GHR: variants seen among roughly 807,000 people sequenced by gnomAD.
The protein encoded by GHR is growth hormone receptor, also known as GH receptor.
GHR carries 35 observed loss-of-function variants against 67.1 expected under a neutral mutation model. That is an observed-to-expected ratio of 0.52 (90% CI 0.40 to 0.69). GHR has a LOEUF of 0.69. GHR is among the 30% of genes least tolerant of loss of function. GHR has a pLI of 0.00. For missense variants in GHR, 792 were observed against 764.6 expected (o/e 1.04, Z -0.42); for synonymous variants, 272 against 269.1 (o/e 1.01, Z -0.10).
chr5:42,670,880 A>AAAAT (rs1554034852), intron 3 of GHR, among the ~76,000 whole-genome samples: 40 of 118,176 alleles, frequency 3.4e-4, no homozygotes, highest in South Asian at 8.7e-4. Context: ...AAAAAAAAAA[A>AAAAT]ATATATATAT....
At chr5:42,496,250 C>T (rs561203511) in intron 1 of GHR, among the ~76,000 whole-genome samples, 8 of 152,238 alleles carry the variant, frequency 5.3e-5, no homozygotes, top group African/African-American at 1.9e-4. Context: ...ATTGGTTCCT[C>T]CTGATTGGGT....
chr5:42,648,778 A>C (rs1414683260), intron 3 of GHR, among the ~76,000 whole-genome samples: 1 of 152,018 alleles, frequency 6.6e-6, no homozygotes, highest in Non-Finnish European at 1.5e-5. Context: ...AATTGGAAAT[A>C]GGGAGGTTTC....
chr5:42,497,627 T>G lies in GHR; in HGVS notation c.-11-68237T>G, dbSNP rs369306151. Among the ~76,000 whole-genome samples the G allele has an allele frequency of 4.6e-5, 7 of 152,312 alleles. No homozygotes were observed. In the East Asian group the frequency reaches 1.2e-3, roughly 25 times the overall value. On this transcript the variant is annotated intron_variant, in intron 1 of 9. Coordinates refer to ENST00000230882, the MANE Select transcript of GHR (RefSeq NM_000163.5). ...CACTACAAGGGCATTGTTTAGTAGT[T>G]GAAACACAGACCTTATGTACCTTCA...
chr5:42,648,053 AG>A (rs1443749699), intron 3 of GHR, among the ~76,000 whole-genome samples: 4 of 152,186 alleles, frequency 2.6e-5, no homozygotes, highest in Non-Finnish European at 4.4e-5. Context: ...AGAGATTTTC[AG>A]CAACAAGAAA....
rs1292304928 is a variant in GHR, at chr5:42,719,854, CT to C, written c.*436del. On this transcript the variant is annotated 3_prime_UTR_variant, in exon 10 of 10. Transcript: ENST00000230882. ...TTTTTGTTGTTTCTTAAATAAGAAA[CT>C]TTTTTATTTAAAAAACTAAAAACTA... The C allele has an allele frequency of 1.2e-5, 2 of 160,292 alleles. No homozygotes were observed. The highest frequency in any genetic ancestry group is 4.2e-4 in the South Asian group (2 of 4,750). 9.9% of individuals were successfully genotyped at this position (160,292 alleles called of 1,614,324 possible). A position where few individuals can be genotyped will look rare whatever the true frequency, so the allele number is the denominator to read the frequency against.
intron 1 of GHR, among the ~76,000 whole-genome samples, chr5:42,432,250 A>G (rs2111899791): frequency 6.6e-6 from 1 of 152,342 alleles, no homozygotes; most frequent in East Asian, 1.9e-4. Context: ...TTATTTTATT[A>G]AGCATTATAT....
intron 1 of GHR, among the ~76,000 whole-genome samples, chr5:42,432,850 G>C (rs558200872): frequency 2.6e-5 from 4 of 152,216 alleles, no homozygotes; most frequent in African/African-American, 9.6e-5. Flanking sequence ...CATTGGTGAA[G>C]CCATGCTTTT....
At chr5:42,642,565 G>A (rs1754533511) in intron 3 of GHR, among the ~76,000 whole-genome samples, 1 of 152,042 alleles carries the variant, frequency 6.6e-6, no homozygotes, top group Non-Finnish European at 1.5e-5. Flanking sequence ...GTTCTAGGTA[G>A]GTATGCCCAT....
chr5:42,622,964 C>T (rs368295303), intron 2 of GHR, among the ~76,000 whole-genome samples: 13 of 152,228 alleles, frequency 8.5e-5, no homozygotes, highest in East Asian at 7.7e-4. Flanking sequence ...GACAACATCC[C>T]GTCTTCACAT....
chr5:42,599,356 C>CATTTTTT (rs1561156797), intron 2 of GHR, among the ~76,000 whole-genome samples: 5 of 125,732 alleles, frequency 4.0e-5, no homozygotes, highest in African/African-American at 6.8e-5. Context: ...GCCTACAGCA[C>CATTTTTT]ATTTTTTTTT....
chr5:42,681,754 G>A (rs1192454650), intron 3 of GHR, among the ~76,000 whole-genome samples: 4 of 151,936 alleles, frequency 2.6e-5, no homozygotes, highest in African/African-American at 9.7e-5. Context: ...GGCTAACATG[G>A]TGAAACCCCA....
At chr5:42,594,041 T>C (rs1429871117) in intron 2 of GHR, among the ~76,000 whole-genome samples, 1 of 152,232 alleles carries the variant, frequency 6.6e-6, no homozygotes, top group African/African-American at 2.4e-5. Context: ...TTGAAAATCC[T>C]TGCCATTGGA....
At chr5:42,592,771 G>T (rs78032929) in intron 2 of GHR, among the ~76,000 whole-genome samples, 1,859 of 151,240 alleles carry the variant, frequency 0.012, 66 homozygotes, top group East Asian at 0.12. Flanking sequence ...TCCTTGGATT[G>T]TTGGGTAAAA....
chr5:42,471,186 C>A (rs1744997358), intron 1 of GHR, among the ~76,000 whole-genome samples: 2 of 152,264 alleles, frequency 1.3e-5, no homozygotes, highest in South Asian at 4.1e-4. Context: ...CCTGGTATAG[C>A]ACTTTTTTGA....
intron 1 of GHR, among the ~76,000 whole-genome samples, chr5:42,491,368 G>A (rs1746106651): frequency 6.6e-6 from 1 of 152,184 alleles, no homozygotes; most frequent in South Asian, 2.1e-4. Context: ...CTCATGTAAA[G>A]AGCTTACTTT....
chr5:42,465,638 C>T (rs946261696), intron 1 of GHR: 1 of 959,606 alleles, frequency 1.0e-6, no homozygotes, highest in East Asian at 2.4e-5. Flanking sequence ...TTTGACAATT[C>T]CCCAGTTGTG....
chr5:42,618,108 A>T (rs1272526866), intron 2 of GHR, among the ~76,000 whole-genome samples: 1 of 152,132 alleles, frequency 6.6e-6, no homozygotes, highest in Non-Finnish European at 1.5e-5. Context: ...AAGTTCAAAA[A>T]ACTAAGCATC....
chr5:42,477,838 G>C (rs1484185100), intron 1 of GHR, among the ~76,000 whole-genome samples: 1 of 152,152 alleles, frequency 6.6e-6, no homozygotes, highest in Admixed American at 6.5e-5. Context: ...TAGGTTGCCT[G>C]TTCACTCTGA....
Position 42,474,313 on chromosome 5 carries a change from G to GAAAGAAAGAAAGAAAGAAAGAA in GHR, c.-12+50360_-12+50381dup, listed in dbSNP as rs1554054610. 3.7e-3 allele frequency among the ~76,000 whole-genome samples: 515 copies of GAAAGAAAGAAAGAAAGAAAGAA among 138,444 alleles called. 4 individuals are homozygous for GAAAGAAAGAAAGAAAGAAAGAA. The highest frequency in any genetic ancestry group is 6.5e-3 in the Non-Finnish European group (410 of 62,974). The allele number at this position is 138,444 out of a possible 152,430, so 90.8% of individuals were successfully genotyped here. A position where few individuals can be genotyped will look rare whatever the true frequency, so the allele number is the denominator to read the frequency against. On this transcript the variant is annotated intron_variant, in intron 1 of 9. Coordinates refer to ENST00000230882, the MANE Select transcript of GHR (RefSeq NM_000163.5). The stretch of plus-strand genomic sequence containing the variant: ...AGAGAAAGAGAAAGAAAGAAAGAAA[G>GAAAGAAAGAAAGAAAGAAAGAA]AAAGAAAGAAAGAAAGAAAGAAAGA...
Sources: allele counts gnomAD v4.1 joint callset (sites outside exome capture counted in the v4.1 genomes callset), GRCh38; gene constraint gnomAD v4.1.1; transcripts MANE v1.5; gene names NCBI Gene and HGNC (gene_info 2026-07-23, HGNC 2026-07-21).